ZNF546: variants seen among roughly 807,000 people sequenced by gnomAD.
The protein encoded by ZNF546 is zinc finger protein 546.
Under a neutral mutation model 76.2 loss-of-function variants are expected in ZNF546, and 60 were observed. The observed-to-expected ratio is 0.79, with a 90% confidence interval of 0.64 to 0.98. The LOEUF (loss-of-function observed/expected upper bound fraction) is 0.98, where lower values mean the gene tolerates loss of function less well. Among genes scored for constraint, ZNF546 ranks in the 50% least tolerant of loss-of-function variants. The pLI is 0.00. For synonymous variants in ZNF546, 277 were observed against 328.1 expected, an observed-to-expected ratio of 0.84 and a Z score of 1.68; for missense variants, 936 against 1,035.6, an observed-to-expected ratio of 0.90 and a Z score of 1.32.
chr19:40,000,468 C>T (rs746565774), intron 3 of ZNF546, among the ~76,000 whole-genome samples: 134 of 151,654 alleles, frequency 8.8e-4, no homozygotes, highest in Non-Finnish European at 1.8e-3. Context: ...ACTAAAAATA[C>T]GAAAATTAGC....
At position 40,014,897 on chromosome 19, in the gene ZNF546, C is replaced by A. The variant is rs747413475; in HGVS notation, c.1627C>A (p.His543Asn). Residue 543 changes from histidine (H) to asparagine (N), a missense_variant, in exon 7 of 7, where the codon CAT (histidine) becomes AAT (asparagine). Physicochemically the swap from His to Asn is moderately conservative, Grantham distance 68. Transcript: ENST00000347077. ...AFRLQGELTR[H>N]HRIHTCEKPY... ...TCGTCTTCAAGGAGAACTTACCCGA[C>A]ATCACAGAATTCATACATGTGAGAA... is the stretch of plus-strand genomic sequence containing the variant. 42 of 1,613,790 alleles carry A rather than the reference C, an allele frequency of 2.6e-5. No homozygotes were observed. Among genetic ancestry groups the A allele is most frequent in the Non-Finnish European group, 3.4e-5 (40 of 1,179,938 alleles).
At chr19:40,003,241 G>A (rs1971554749) in intron 3 of ZNF546, among the ~76,000 whole-genome samples, 1 of 149,588 alleles carries the variant, frequency 6.7e-6, no homozygotes. Context: ...GTTTCACGTT[G>A]TTAGCCAGGA....
rs1971809373 is a variant in ZNF546, at chr19:40,018,443, A to T, written c.*2662A>T. ...AGGTGGCATACAATGTCATTATACCACTATGGTATCCTTAGTTCATTCACT... is the reference window on the plus strand; with the variant it reads ...AGGTGGCATACAATGTCATTATACCTCTATGGTATCCTTAGTTCATTCACT... On this transcript the variant is annotated 3_prime_UTR_variant, in exon 7 of 7. Coordinates refer to ENST00000347077, the MANE Select transcript of ZNF546 (RefSeq NM_178544.5). The T allele has an allele frequency of 6.6e-6, 1 of 152,212 alleles. No individual in the cohort carries two copies. Among genetic ancestry groups the T allele is most frequent in the Admixed American group, 6.5e-5 (1 of 15,286 alleles). The allele number at this position is 152,212 out of a possible 1,614,324, so 9.4% of individuals were successfully genotyped here.
At position 40,014,914 on chromosome 19, in the gene ZNF546, A is replaced by G. The variant is rs574489084; in HGVS notation, c.1644A>G (p.Thr548=). ...TTACCCGACATCACAGAATTCATAC[A>G]TGTGAGAAACCCTATGAATGTAAGG... ...GELTRHHRIH[T]CEKPYECKEC... is the part of the protein sequence containing the mutation. The change falls in exon 7 of 7, where the codon ACA becomes ACG. Residue 548 remains threonine (T), a synonymous_variant. Transcript: ENST00000347077. 128 of 1,602,550 alleles carry G rather than the reference A, an allele frequency of 8.0e-5. No homozygotes were observed. The South Asian group carries it at 1.1e-3, about 14-fold the overall frequency.
intron 1 of ZNF546, 181 bp downstream of exon 1, chr19:39,997,338 TG>T (rs1186361005): frequency 6.5e-5 from 10 of 152,862 alleles, no homozygotes; most frequent in Admixed American, 6.5e-4. Context: ...TGTGTGTGTG[TG>T]CGCGCGACGG....
intron 5 of ZNF546, among the ~76,000 whole-genome samples, chr19:40,008,114 A>G (rs539309634): frequency 4.6e-5 from 7 of 152,350 alleles, no homozygotes; most frequent in Non-Finnish European, 8.8e-5. Flanking sequence ...CATTTGATAA[A>G]AGTGAATATG....
Position 40,020,202 on chromosome 19 carries a change from C to T in ZNF546, c.*4421C>T, listed in dbSNP as rs1971836610. On this transcript the variant is annotated 3_prime_UTR_variant, in exon 7 of 7. Transcript: ENST00000347077. ...TTTCTTTAAGACTACCATACTACCA[C>T]TTTCCTCAACTTGGACTAATGTCCA... 1.3e-5 allele frequency: 2 copies of T among 152,156 alleles called. No homozygotes were observed. The allele number at this position is 152,156 out of a possible 1,614,324, so 9.4% of individuals were successfully genotyped here.
rs149941195 is a variant in ZNF546 at position 40,006,160 on chromosome 19, G to A, written c.149G>A (p.Cys50Tyr). ...EETQGELTSS[C>Y]GSKTMANVSL... Reference sequence around the variant, plus strand: ...ACTCAAGGAGAACTGACAAGTTCTTGTGGTTCTAAAACCATGGCCAATGTA... The same window carrying A: ...ACTCAAGGAGAACTGACAAGTTCTTATGGTTCTAAAACCATGGCCAATGTA... The change falls in exon 4 of 7, where the codon TGT becomes TAT. Residue 50 changes from cysteine to tyrosine, a missense_variant. By Grantham distance (194) the Cys-to-Tyr change is radical (BLOSUM62 -2). Coordinates refer to ENST00000347077, the MANE Select transcript of ZNF546 (RefSeq NM_178544.5). 312 of 1,613,504 alleles carry A rather than the reference G, an allele frequency of 1.9e-4. No homozygotes were observed. The highest frequency in any genetic ancestry group is 2.5e-4 in the Non-Finnish European group (294 of 1,179,786).
At chr19:40,000,615 CAAA>C (rs550470156) in intron 3 of ZNF546, among the ~76,000 whole-genome samples, 5 of 56,780 alleles carry the variant, frequency 8.8e-5, no homozygotes, top group African/African-American at 1.9e-4. Context: ...GACTCTGTCT[CAAA>C]AAAAAAAAAA....
intron 6 of ZNF546, among the ~76,000 whole-genome samples, chr19:40,010,410 A>AT (rs1971656964): frequency 6.6e-6 from 1 of 151,406 alleles, no homozygotes; most frequent in Admixed American, 6.6e-5. Context: ...CTGAAAAAAA[A>AT]AAAAAAAGAA....
rs760436332 is a variant in ZNF546, at chr19:40,007,336, C to T, written c.234C>T (p.Asp78=). ...DLSQEEWECL[D]AVQRDLYKDV... Reference sequence around the variant, plus strand: ...CCCAAGAGGAGTGGGAGTGCCTGGACGCTGTGCAGAGGGACTTGTACAAGG... The same window carrying T: ...CCCAAGAGGAGTGGGAGTGCCTGGATGCTGTGCAGAGGGACTTGTACAAGG... The change falls in exon 5 of 7, where the codon GAC becomes GAT. Residue 78 remains aspartate, a synonymous_variant. Transcript: ENST00000347077. 62 of 1,606,758 alleles carry T rather than the reference C, an allele frequency of 3.9e-5. No individual in the cohort carries two copies. The highest frequency in any genetic ancestry group is 7.8e-5 in the South Asian group (7 of 90,044).
chr19:39,998,604 A>T, intron 3 of ZNF546, 194 bp downstream of exon 3: 1 of 549,170 alleles, frequency 1.8e-6, no homozygotes. Flanking sequence ...AGGCTTTTAG[A>T]AGTGGGAATG....
rs1399686197 is a variant in ZNF546 at position 40,016,290 on chromosome 19, G to A, written c.*509G>A. ...AATCCCAGCACTATGGGAGGCCCAG[G>A]TGAGCAGATCACCTGAGGTCAGGAG... On this transcript the variant is annotated 3_prime_UTR_variant, in exon 7 of 7. Transcript: ENST00000347077. 6.3e-6 allele frequency: 1 copy of A among 158,114 alleles called. No individual in the cohort carries two copies. The highest frequency in any genetic ancestry group is 1.4e-5 in the Non-Finnish European group (1 of 71,848). The allele number at this position is 158,114 out of a possible 1,614,324, so 9.8% of individuals were successfully genotyped here. A position where few individuals can be genotyped will look rare whatever the true frequency, so the allele number is the denominator to read the frequency against.
Position 39,998,400 on chromosome 19 carries a change from T to G in ZNF546, c.74T>G (p.Leu25Arg). Residue 25 changes from leucine (L) to arginine (R), a missense_variant, in exon 3 of 7, where the codon CTT becomes CGT. Physicochemically the swap from Leu to Arg is moderately radical, Grantham distance 102. Coordinates refer to ENST00000347077, the MANE Select transcript of ZNF546 (RefSeq NM_178544.5). ...LIFQIIPLHS[L>R]SIMPRFLWIL... is the part of the protein sequence containing the mutation. ...TTTCAAATCATTCCTCTGCACTCAC[T>G]TTCTATAATGGTAGAGAAATGCATA... 1 of 1,613,880 alleles carries G rather than the reference T, an allele frequency of 6.2e-7. No individual in the cohort carries two copies. Among genetic ancestry groups the G allele is most frequent in the Admixed American group, 1.7e-5 (1 of 60,032 alleles).
At chr19:40,010,355 A>G (rs1394745846) in intron 6 of ZNF546, among the ~76,000 whole-genome samples, 1 of 151,168 alleles carries the variant, frequency 6.6e-6, no homozygotes, top group East Asian at 2.0e-4. Context: ...GTGAGCCGAG[A>G]TTGTGCCACT....
chr19:40,020,705 T>C lies in ZNF546; in HGVS notation c.*4924T>C, dbSNP rs1161055960. On this transcript the variant is annotated 3_prime_UTR_variant, in exon 7 of 7. Coordinates refer to ENST00000347077, the MANE Select transcript of ZNF546 (RefSeq NM_178544.5). ...CATGATAAACTTTACTAAGGAAGTCTCATTCAGAATATCTAATATTTTGGA... is the reference window on the plus strand; with the variant it reads ...CATGATAAACTTTACTAAGGAAGTCCCATTCAGAATATCTAATATTTTGGA... 5 of 152,188 alleles carry C rather than the reference T, an allele frequency of 3.3e-5. No individual in the cohort carries two copies. Among genetic ancestry groups the C allele is most frequent in the African/African-American group, 1.2e-4 (5 of 41,454 alleles). 9.4% of individuals were successfully genotyped at this position (152,188 alleles called of 1,614,324 possible). A position where few individuals can be genotyped will look rare whatever the true frequency, so the allele number is the denominator to read the frequency against.
chr19:40,009,238 A>G (rs540223313), intron 6 of ZNF546, among the ~76,000 whole-genome samples: 65 of 152,216 alleles, frequency 4.3e-4, no homozygotes, highest in Non-Finnish European at 7.3e-4. Flanking sequence ...AAAAGCTGCA[A>G]GTGCAAAGGT....
chr19:39,999,462 A>G (rs1394747338), intron 3 of ZNF546: 1 of 152,230 alleles, frequency 6.6e-6, no homozygotes, highest in African/African-American at 2.4e-5. Flanking sequence ...TAGAATTAAT[A>G]TTCACCTTTT....
chr19:39,999,305 A>G (rs113674697), intron 3 of ZNF546, among the ~76,000 whole-genome samples: 1 of 152,340 alleles, frequency 6.6e-6, no homozygotes, highest in Non-Finnish European at 1.5e-5. Context: ...TGAATTGAAG[A>G]AGAATGTTCA....
Sources: allele counts gnomAD v4.1 joint callset (sites outside exome capture counted in the v4.1 genomes callset), GRCh38; gene constraint gnomAD v4.1.1; transcripts MANE v1.5; gene names NCBI Gene and HGNC (gene_info 2026-07-23, HGNC 2026-07-21).